CEP128: variants seen among roughly 807,000 people sequenced by gnomAD.
The protein encoded by CEP128 is centrosomal protein 128.
A neutral mutation model predicts 156.7 loss-of-function variants in CEP128; 132 were observed. That is an observed-to-expected ratio of 0.84 (90% CI 0.73 to 0.97). The LOEUF (loss-of-function observed/expected upper bound fraction) is 0.97, where lower values mean the gene tolerates loss of function less well. CEP128 is among the 50% of genes least tolerant of loss of function. The probability of loss-of-function intolerance (pLI) is 0.00; values close to 1 mark genes in which losing one functional copy is unlikely to be tolerated. For missense variants in CEP128, 1,252 were observed against 1,281.9 expected, an observed-to-expected ratio of 0.98 and a Z score of 0.36; for synonymous variants, 469 against 448.9, an observed-to-expected ratio of 1.04 and a Z score of -0.57.
intron 21 of CEP128, among the ~76,000 whole-genome samples, chr14:80,539,885 G>C (rs1176136664): frequency 1.3e-5 from 2 of 152,120 alleles, no homozygotes; most frequent in Non-Finnish European, 2.9e-5. Context: ...TTATGTGGTT[G>C]AGATAAGGAC....
intron 19 of CEP128, among the ~76,000 whole-genome samples, chr14:80,610,401 G>T (rs768976453): frequency 6.6e-6 from 1 of 152,106 alleles, no homozygotes; most frequent in Non-Finnish European, 1.5e-5. Context: ...TGTAGTAAGA[G>T]ACATAGATTG....
chr14:80,623,251 T>A (rs969817699), intron 19 of CEP128, among the ~76,000 whole-genome samples: 1 of 149,362 alleles, frequency 6.7e-6, no homozygotes, highest in African/African-American at 2.5e-5. Flanking sequence ...TAGGTGGGAA[T>A]TGAACAATGA....
chr14:80,578,509 C>G (rs1891452064), intron 20 of CEP128, among the ~76,000 whole-genome samples: 1 of 152,164 alleles, frequency 6.6e-6, no homozygotes, highest in South Asian at 2.1e-4. Context: ...CTGGGATCAT[C>G]TAATCCACAC....
intron 14 of CEP128, among the ~76,000 whole-genome samples, chr14:80,483,906 A>G (rs1400479633): frequency 6.6e-6 from 1 of 152,204 alleles, no homozygotes; most frequent in African/African-American, 2.4e-5. Context: ...TCTGGATAAA[A>G]TACTGATTGA....
At chr14:80,675,253 T>C (rs1896012206) in intron 19 of CEP128, among the ~76,000 whole-genome samples, 1 of 152,114 alleles carries the variant, frequency 6.6e-6, no homozygotes, top group South Asian at 2.1e-4. Flanking sequence ...TCAATGTTGA[T>C]TCTAAGAATA....
chr14:80,873,654 C>A (rs1374963666), intron 8 of CEP128, among the ~76,000 whole-genome samples: 5 of 152,068 alleles, frequency 3.3e-5, no homozygotes, highest in Admixed American at 2.0e-4. Flanking sequence ...GAATTTAGAT[C>A]AAATCCTGTT....
At chr14:80,649,968 T>TG (rs1258165093) in intron 19 of CEP128, among the ~76,000 whole-genome samples, 2 of 152,170 alleles carry the variant, frequency 1.3e-5, no homozygotes, top group African/African-American at 4.8e-5. Context: ...CAATGGTAGC[T>TG]GGATGGGGAT....
At chr14:80,588,381 T>G (rs528154068) in intron 19 of CEP128, among the ~76,000 whole-genome samples, 15 of 152,188 alleles carry the variant, frequency 9.9e-5, no homozygotes, top group Non-Finnish European at 1.9e-4. Flanking sequence ...TGGGCTTAAA[T>G]AGAGACATTT....
downstream of CEP128, among the ~76,000 whole-genome samples, chr14:80,492,442 G>A (rs772099451): frequency 3.3e-5 from 5 of 152,260 alleles, no homozygotes; most frequent in African/African-American, 1.2e-4. Context: ...CAGGACAAGT[G>A]AGCACGACTC....
At chr14:80,480,477 C>A (rs1163959323) in intron 14 of CEP128, among the ~76,000 whole-genome samples, 1 of 152,072 alleles carries the variant, frequency 6.6e-6, no homozygotes, top group African/African-American at 2.4e-5. Flanking sequence ...GGCTGAGACC[C>A]AGGGCATCAA....
At chr14:80,933,598 T>C (rs916311392) in intron 2 of CEP128, among the ~76,000 whole-genome samples, 1 of 152,212 alleles carries the variant, frequency 6.6e-6, no homozygotes, top group Admixed American at 6.5e-5. Flanking sequence ...CCATGGGATA[T>C]GGCTTATCAA....
At chr14:80,681,662 C>T (rs1896328986) in intron 19 of CEP128, among the ~76,000 whole-genome samples, 1 of 152,336 alleles carries the variant, frequency 6.6e-6, no homozygotes, top group East Asian at 1.9e-4. Context: ...CATTCATTCT[C>T]TTCTCCCTGC....
chr14:80,678,064 G>GTGTATATATATA, intron 19 of CEP128, among the ~76,000 whole-genome samples: 1 of 27,464 alleles, frequency 3.6e-5, no homozygotes, highest in African/African-American at 9.4e-5. Context: ...ATATATATAT[G>GTGTATATATATA]TATATATATA....
At chr14:80,780,115 G>C (rs962458721) in intron 15 of CEP128, among the ~76,000 whole-genome samples, 3 of 152,020 alleles carry the variant, frequency 2.0e-5, no homozygotes, top group African/African-American at 7.2e-5. Context: ...GGTATGAGAG[G>C]GGTGATTCTA....
chr14:80,735,779 G>A (rs896393687), intron 19 of CEP128, among the ~76,000 whole-genome samples: 9 of 152,068 alleles, frequency 5.9e-5, no homozygotes, highest in African/African-American at 2.2e-4. Context: ...CCATTTCCTT[G>A]TCTTTTCCAG....
intron 19 of CEP128, among the ~76,000 whole-genome samples, chr14:80,656,944 T>C (rs1010270632): frequency 5.3e-5 from 8 of 152,312 alleles, no homozygotes; most frequent in African/African-American, 1.9e-4. Flanking sequence ...CCATTCATTT[T>C]CTTAAATTGC....
chr14:80,646,927 T>C (rs1001710418), intron 19 of CEP128, among the ~76,000 whole-genome samples: 1 of 149,430 alleles, frequency 6.7e-6, no homozygotes, highest in African/African-American at 2.4e-5. Flanking sequence ...CTTTAAAAAA[T>C]GTGTTTTTCA....
At chr14:80,821,732 G>A (rs971252688) in intron 13 of CEP128, among the ~76,000 whole-genome samples, 1 of 151,458 alleles carries the variant, frequency 6.6e-6, no homozygotes, top group African/African-American at 2.4e-5. Flanking sequence ...CTGGAGTGAA[G>A]TGGTGTGAAC....
At chr14:80,842,838 T>C (rs1178616885) in intron 9 of CEP128, among the ~76,000 whole-genome samples, 2 of 152,010 alleles carry the variant, frequency 1.3e-5, no homozygotes, top group African/African-American at 2.4e-5. Context: ...AAAACTATCA[T>C]GTGCCCTGCT....
Sources: gnomAD v4.1 joint callset for allele counts (sites outside exome capture counted in the v4.1 genomes callset) on GRCh38, gnomAD v4.1.1 for gene constraint, MANE v1.5 for transcripts, NCBI Gene and HGNC (gene_info 2026-07-23, HGNC 2026-07-21) for gene names.